ARHGAP36: variants seen among roughly 807,000 people sequenced by gnomAD.
ARHGAP36 encodes Rho GTPase activating protein 36.
ARHGAP36 carries 7 observed loss-of-function variants against 32.9 expected under a neutral mutation model. The ratio of observed to expected loss-of-function variants is 0.21; its 90% confidence interval spans 0.12 to 0.40. The LOEUF (loss-of-function observed/expected upper bound fraction) is 0.40. Ranked by LOEUF, ARHGAP36 falls within the 10% of genes least tolerant of loss-of-function variation. The pLI is 1.00. For missense variants in ARHGAP36, 383 were observed against 442.2 expected (o/e 0.87, Z 1.20); for synonymous variants, 165 against 168.3 (o/e 0.98, Z 0.15).
chrX:131,080,847 T>C (rs981877341), intron 1 of ARHGAP36, among the ~76,000 whole-genome samples: 12 of 112,238 alleles, frequency 1.1e-4, no homozygotes, highest in African/African-American at 3.9e-4. Context: ...ATGCAAATGC[T>C]GTTAGCATTT....
chrX:131,068,828 T>C (rs1444724303), intron 1 of ARHGAP36, among the ~76,000 whole-genome samples: 1 of 111,299 alleles, frequency 9.0e-6, no homozygotes, highest in East Asian at 2.8e-4. Flanking sequence ...AATGGAGAGC[T>C]CACTCTTTCT....
At chrX:131,076,873 T>G (rs4442294) in intron 1 of ARHGAP36, among the ~76,000 whole-genome samples, 1 of 110,613 alleles carries the variant, frequency 9.0e-6, no homozygotes, top group African/African-American at 3.3e-5. Context: ...TCTGAAACTT[T>G]CTTATTTTTT....
At position 131,089,084 on chromosome X, in the gene ARHGAP36, T is replaced by C. The variant is rs1207172179; in HGVS notation, c.*299T>C. ...GCTTTCTCTCTCTCTCTGCAGACTT[T>C]CCTTTAATTGATGTGACATTTGTGG... On this transcript the variant is annotated 3_prime_UTR_variant, in exon 12 of 12. Transcript: ENST00000276211. The C allele has an allele frequency of 4.4e-6, 1 of 226,719 alleles. No homozygotes were observed. Among genetic ancestry groups the C allele is most frequent in the Non-Finnish European group, 7.8e-6 (1 of 127,873 alleles). The allele number at this position is 226,719 out of a possible 1,213,427, so 18.7% of individuals were successfully genotyped here.
chrX:131,058,709 G>C (rs2079653791), intron 1 of ARHGAP36, among the ~76,000 whole-genome samples: 1 of 113,469 alleles, frequency 8.8e-6, no homozygotes, highest in African/African-American at 3.2e-5. Context: ...TGGCTCAGCC[G>C]CCGGCAGGGA....
At chrX:131,083,378 GA>G in intron 3 of ARHGAP36, 148 bp downstream of exon 3, 1 of 593,437 alleles carries the variant, frequency 1.7e-6, no homozygotes, top group Non-Finnish European at 2.6e-6. Flanking sequence ...GTGATATCAG[GA>G]AATGGCGCAG....
In ARHGAP36 at chrX:131,088,966, T is replaced by C. The variant is rs1309992865; in HGVS notation, c.*181T>C. The C allele has an allele frequency of 1.6e-6, 1 of 616,406 alleles. No homozygotes were observed. The highest frequency in any genetic ancestry group is 2.3e-5 in the African/African-American group (1 of 43,702). The allele number at this position is 616,406 out of a possible 1,213,427, so 50.8% of individuals were successfully genotyped here. ...CTGCCAGCCCCTTCACTGGGGATGC[T>C]TGGTCTCTTCTGCTGGTAAAAGCAG... On this transcript the variant is annotated 3_prime_UTR_variant, in exon 12 of 12. Transcript: ENST00000276211.
At chrX:131,084,018 C>T (rs1255938665) in intron 4 of ARHGAP36, 49 bp downstream of exon 4, 4 of 1,165,585 alleles carry the variant, frequency 3.4e-6, no homozygotes, top group Non-Finnish European at 4.6e-6. Context: ...CTGAGGTATG[C>T]AGGAATGTGA....
At chrX:131,084,815 G>T in intron 6 of ARHGAP36, 99 bp from the exon 7 acceptor site, 1 of 1,170,119 alleles carries the variant, frequency 8.5e-7, no homozygotes, top group Non-Finnish European at 1.2e-6. Context: ...CCACCATATT[G>T]CCAGCTACCT....
In ARHGAP36 at chrX:131,058,449, G is replaced by C; in HGVS notation, c.-143+5G>C. ...TTGAGCCCCGCCCCCGCCGTGGTGA[G>C]TGGGGCCCACCGAGTCGGGGGGCTG... On this transcript the variant is annotated splice_donor_5th_base_variant and intron_variant, in intron 1 of 11. Coordinates refer to ENST00000276211, the MANE Select transcript of ARHGAP36 (RefSeq NM_144967.4). 1 of 1,062,008 alleles carries C rather than the reference G, an allele frequency of 9.4e-7. No homozygotes were observed. Among genetic ancestry groups the C allele is most frequent in the Non-Finnish European group, 1.2e-6 (1 of 817,252 alleles). The allele number at this position is 1,062,008 out of a possible 1,213,427, so 87.5% of individuals were successfully genotyped here.
chrX:131,082,016 T>A (rs2079803613), intron 2 of ARHGAP36, 98 bp downstream of exon 2: 1 of 1,000,690 alleles, frequency 1.0e-6, no homozygotes, highest in Admixed American at 2.6e-5. Flanking sequence ...TGGGAGGGGC[T>A]CACGCCTGAT....
At chrX:131,064,984 A>G (rs754316738) in intron 1 of ARHGAP36, among the ~76,000 whole-genome samples, 2 of 107,704 alleles carry the variant, frequency 1.9e-5, no homozygotes, top group South Asian at 7.8e-4. Context: ...TCTGAACTCC[A>G]AAGAGAGAGA....
At chrX:131,080,039 T>G (rs951088334) in intron 1 of ARHGAP36, among the ~76,000 whole-genome samples, 1 of 111,827 alleles carries the variant, frequency 8.9e-6, no homozygotes, top group African/African-American at 3.3e-5. Context: ...TCTGTGATTT[T>G]TCCAAGGTGC....
chrX:131,058,401 G>A lies in ARHGAP36; in HGVS notation c.-186G>A. The A allele has an allele frequency of 1.8e-6, 2 of 1,113,639 alleles. No homozygotes were observed. Among genetic ancestry groups the A allele is most frequent in the South Asian group, 4.4e-5 (2 of 44,950 alleles). The allele number at this position is 1,113,639 out of a possible 1,213,427, so 91.8% of individuals were successfully genotyped here. Reference sequence around the variant, plus strand: ...CAGCGCGGGTCATGGCGTGGATACTGGACTGCCTTTTCGCCTCGGCCTTTG... The same window carrying A: ...CAGCGCGGGTCATGGCGTGGATACTAGACTGCCTTTTCGCCTCGGCCTTTG... On this transcript the variant is annotated 5_prime_UTR_variant, in exon 1 of 12. Coordinates refer to ENST00000276211, the MANE Select transcript of ARHGAP36 (RefSeq NM_144967.4).
At position 131,085,673 on chromosome X, in the gene ARHGAP36, G is replaced by T; in HGVS notation, c.1041G>T (p.Leu347=). The T allele has an allele frequency of 8.3e-7, 1 of 1,211,692 alleles. No individual in the cohort carries two copies. The highest frequency in any genetic ancestry group is 1.1e-6 in the Non-Finnish European group (1 of 895,535). The change falls in exon 8 of 12, where the codon CTG becomes CTT. Residue 347 remains leucine, a synonymous_variant. Coordinates refer to ENST00000276211, the MANE Select transcript of ARHGAP36 (RefSeq NM_144967.4). The stretch of plus-strand genomic sequence containing the variant: ...GCCACAGTGATACCCTGGAGCGTCT[G>T]CTGAAGGCCCTGCATAAAATCACTG... The part of the protein sequence containing the change: ...PPCHSDTLER[L]LKALHKITEN...
intron 1 of ARHGAP36, among the ~76,000 whole-genome samples, chrX:131,074,100 CTCTCAGCACGGATTCTGAGAACT>C (rs1420615517): frequency 9.1e-6 from 1 of 110,446 alleles, no homozygotes; most frequent in African/African-American, 3.3e-5. Flanking sequence ...GGAGAAGAAG[CTCTCAGCACGGATTCTGAGAACT>C]TCCTTATTCT....
chrX:131,080,906 T>C (rs2079793248), intron 1 of ARHGAP36, among the ~76,000 whole-genome samples: 1 of 112,164 alleles, frequency 8.9e-6, no homozygotes, highest in Non-Finnish European at 1.9e-5. Flanking sequence ...TTTCTTCACA[T>C]AGTTGCAATC....
intron 1 of ARHGAP36, among the ~76,000 whole-genome samples, chrX:131,074,929 G>A (rs2079753369): frequency 8.9e-6 from 1 of 112,433 alleles, no homozygotes; most frequent in African/African-American, 3.2e-5. Flanking sequence ...ACAGTTAGCT[G>A]CCTTGCATCT....
intron 1 of ARHGAP36, among the ~76,000 whole-genome samples, chrX:131,080,745 A>C (rs12396673): frequency 1.1e-3 from 121 of 112,705 alleles, no homozygotes; most frequent in Middle Eastern, 4.6e-3. Context: ...GTTTTGGTAC[A>C]AATGATTTTT....
Position 131,085,754 on chromosome X carries a change from A to C in ARHGAP36, c.1104+18A>C, listed in dbSNP as rs760610628. 8.3e-7 allele frequency: 1 copy of C among 1,207,650 alleles called. No homozygotes were observed. Among genetic ancestry groups the C allele is most frequent in the South Asian group, 1.8e-5 (1 of 56,132 alleles). ...GACAGTTGGTAAAAAGATCTTGGAA[A>C]GAGTAGTGAAAACTGTAGTAGGGGA... On this transcript the variant is annotated intron_variant, in intron 8 of 11. Transcript: ENST00000276211.
Sources: allele counts gnomAD v4.1 joint callset (sites outside exome capture counted in the v4.1 genomes callset), GRCh38; gene constraint gnomAD v4.1.1; transcripts MANE v1.5; gene names NCBI Gene and HGNC (gene_info 2026-07-23, HGNC 2026-07-21).